IPO7: variants seen among roughly 807,000 people sequenced by gnomAD.
The protein encoded by IPO7 is importin-7.
Under a neutral mutation model 136.4 loss-of-function variants are expected in IPO7, and 13 were observed. The observed-to-expected ratio is 0.10, with a 90% CI of 0.06 to 0.15. The LOEUF (loss-of-function observed/expected upper bound fraction) is 0.15. Ranked by LOEUF, IPO7 falls within the 10% of genes least tolerant of loss-of-function variation. The pLI is 1.00. For missense variants in IPO7, 857 were observed against 1,240.6 expected (o/e 0.69, Z 4.65); for synonymous variants, 403 against 404.4 (o/e 1.00, Z 0.04).
At chr11:9,441,296 G>C (rs78402910) in intron 23 of IPO7, among the ~76,000 whole-genome samples, 1 of 152,072 alleles carries the variant, frequency 6.6e-6, no homozygotes, top group Non-Finnish European at 1.5e-5. Flanking sequence ...ATTGTATGTG[G>C]CTCCAGAATA....
intron 11 of IPO7, 64 bp from the exon 12 acceptor site, chr11:9,425,082 T>C: frequency 7.7e-7 from 1 of 1,301,590 alleles, no homozygotes; most frequent in Non-Finnish European, 1.1e-6. Context: ...TGAGTCATTT[T>C]GTTAGTATGT....
intron 3 of IPO7, among the ~76,000 whole-genome samples, 171 bp from the exon 4 acceptor site, chr11:9,409,757 G>C (rs767644852): frequency 6.6e-6 from 1 of 152,164 alleles, no homozygotes; most frequent in Non-Finnish European, 1.5e-5. Context: ...ACATTTGCTG[G>C]TTTTCGTTTG....
At chr11:9,436,763 A>G (rs566572524) in intron 20 of IPO7, among the ~76,000 whole-genome samples, 223 of 141,564 alleles carry the variant, frequency 1.6e-3, no homozygotes, top group African/African-American at 4.9e-3. Context: ...GCTGACTGCA[A>G]CCAGATTCAA....
chr11:9,437,733 T>C (rs748436678), intron 20 of IPO7, 21 bp from the exon 21 acceptor site: 3 of 1,525,502 alleles, frequency 2.0e-6, no homozygotes, highest in South Asian at 2.3e-5. Flanking sequence ...TCTTAGAATA[T>C]CTTGCTATCT....
intron 24 of IPO7, among the ~76,000 whole-genome samples, chr11:9,444,017 A>G (rs1391684268): frequency 1.3e-5 from 2 of 149,368 alleles, no homozygotes; most frequent in Admixed American, 6.6e-5. Context: ...GCTCACGCCT[A>G]TAATCCCAGC....
intron 23 of IPO7, among the ~76,000 whole-genome samples, chr11:9,441,237 G>T (rs1042390045): frequency 6.6e-6 from 1 of 152,012 alleles, no homozygotes; most frequent in African/African-American, 2.4e-5. Flanking sequence ...CTGGAGCCAC[G>T]TACACTGTTA....
chr11:9,438,367 C>G, intron 22 of IPO7, 82 bp downstream of exon 22: 1 of 857,972 alleles, frequency 1.2e-6, no homozygotes, highest in Non-Finnish European at 1.9e-6. Flanking sequence ...TGGCTCAGGC[C>G]TGTAATCCCA....
At chr11:9,428,380 A>G (rs1855242965) in intron 12 of IPO7, among the ~76,000 whole-genome samples, 160 bp from the exon 13 acceptor site, 1 of 152,206 alleles carries the variant, frequency 6.6e-6, no homozygotes, top group Non-Finnish European at 1.5e-5. Context: ...TTGGTGGTGA[A>G]GTTCTGGAAT....
intron 2 of IPO7, among the ~76,000 whole-genome samples, chr11:9,404,121 C>A (rs1854840237): frequency 6.6e-6 from 1 of 152,128 alleles, no homozygotes; most frequent in Admixed American, 6.6e-5. Flanking sequence ...AAACAGATTA[C>A]ATTTTTGTGT....
chr11:9,436,688 T>G (rs1855373367), intron 20 of IPO7, among the ~76,000 whole-genome samples: 1 of 149,714 alleles, frequency 6.7e-6, no homozygotes, highest in South Asian at 2.1e-4. Context: ...GTTTTTTGTT[T>G]TTTGTTTTTT....
chr11:9,438,337 C>T lies in IPO7; in HGVS notation c.2695+52C>T. The T allele has an allele frequency of 4.3e-6, 5 of 1,160,176 alleles. 1 individual carries two copies. In the South Asian group the frequency reaches 6.2e-5, roughly 14 times the overall value. 71.9% of individuals were successfully genotyped at this position (1,160,176 alleles called of 1,614,324 possible). ...AAAACTTATCTACTTAGAAATATTA[C>T]CGCACTGGGCCGGGCGCAGTGGCTC... On this transcript the variant is annotated intron_variant, in intron 22 of 24. Transcript: ENST00000379719.
At chr11:9,425,909 G>C (rs1233723880) in intron 12 of IPO7, among the ~76,000 whole-genome samples, 2 of 151,550 alleles carry the variant, frequency 1.3e-5, no homozygotes, top group African/African-American at 2.4e-5. Context: ...AGCTGGGCAT[G>C]GTGGTGGGCA....
chr11:9,414,164 A>G, intron 4 of IPO7, 91 bp from the exon 5 acceptor site: 5 of 923,134 alleles, frequency 5.4e-6, no homozygotes, highest in Non-Finnish European at 7.8e-6. Flanking sequence ...GAAGTATTTG[A>G]TTATATTTGT....
In IPO7 at chr11:9,441,296, G is replaced by T. The variant is rs78402910; in HGVS notation, c.2902+635G>T. On this transcript the variant is annotated intron_variant, in intron 23 of 24. Transcript: ENST00000379719. ...TTCCTATAATGTGTCATTGTATGTG[G>T]CTCCAGAATACTAGGTTCTGGTTGG... is the stretch of plus-strand genomic sequence containing the variant. 2.8e-3 allele frequency among the ~76,000 whole-genome samples: 428 copies of T among 152,184 alleles called. 2 individuals are homozygous for T. Among genetic ancestry groups the T allele is most frequent in the African/African-American group, 0.01 (418 of 41,536 alleles).
chr11:9,390,766 A>ATAGGGAGACACAGTCAC (rs146167125), intron 1 of IPO7, among the ~76,000 whole-genome samples: 1 of 152,012 alleles, frequency 6.6e-6, no homozygotes, highest in African/African-American at 2.4e-5. Flanking sequence ...CCTGGGCAAC[A>ATAGGGAGACACAGTCAC]TACAAAAAAA....
chr11:9,442,219 C>T, intron 24 of IPO7, 22 bp downstream of exon 24: 3 of 1,041,046 alleles, frequency 2.9e-6, no homozygotes, highest in Non-Finnish European at 4.4e-6. Context: ...AACTGTAACT[C>T]CTCTTTAATT....
chr11:9,433,379 A>G (rs1855327004), intron 16 of IPO7, 191 bp from the exon 17 acceptor site: 8 of 526,450 alleles, frequency 1.5e-5, no homozygotes, highest in Non-Finnish European at 2.7e-5. Flanking sequence ...TGTTTTTCTC[A>G]TTGTAATGGT....
chr11:9,427,067 C>A (rs1293555935), intron 12 of IPO7, among the ~76,000 whole-genome samples: 1 of 152,108 alleles, frequency 6.6e-6, no homozygotes, highest in Non-Finnish European at 1.5e-5. Flanking sequence ...CCAGGCTGGT[C>A]TCAAACTCCT....
intron 1 of IPO7, among the ~76,000 whole-genome samples, chr11:9,389,578 A>G (rs1854599732): frequency 6.6e-6 from 1 of 152,160 alleles, no homozygotes; most frequent in Non-Finnish European, 1.5e-5. Context: ...TAAGTTTTGG[A>G]TGACGAAACT....
Sources: allele counts gnomAD v4.1 joint callset (sites outside exome capture counted in the v4.1 genomes callset), GRCh38; gene constraint gnomAD v4.1.1; transcripts MANE v1.5; gene names NCBI Gene and HGNC (gene_info 2026-07-23, HGNC 2026-07-21).